The following RANGAP1 variants were observed in gnomAD, a reference collection of about 807,000 sequenced individuals.
RANGAP1 encodes the protein Ran GTPase activating protein 1.
A neutral mutation model predicts 63.5 loss-of-function variants in RANGAP1; 38 were observed. The observed-to-expected ratio is 0.60, with a 90% CI of 0.46 to 0.78. The LOEUF (loss-of-function observed/expected upper bound fraction) is 0.78, where lower values mean the gene tolerates loss of function less well. Ranked by LOEUF, RANGAP1 falls within the 30% of genes least tolerant of loss-of-function variation. The probability of loss-of-function intolerance (pLI) is 0.00; values close to 1 mark genes in which losing one functional copy is unlikely to be tolerated. For missense variants in RANGAP1, 630 were observed against 740.3 expected, an observed-to-expected ratio of 0.85 and a Z score of 1.73; for synonymous variants, 329 against 310.5, an observed-to-expected ratio of 1.06 and a Z score of -0.63.
In RANGAP1 at chr22:41,280,980, T is replaced by A; in HGVS notation, c.65A>T (p.Gln22Leu). The change falls in exon 2 of 16, where the codon CAG (glutamine) becomes CTG (leucine). Residue 22 changes from glutamine to leucine, a missense_variant. Transcript: ENST00000356244. The stretch of plus-strand genomic sequence containing the variant: ...GAGGCTCTTGCCTTTGAAACTCAGC[T>A]GTCCCCCGGCCACCTGAGTCTTGGC... Reference protein sequence around the residue: ...TLAKTQVAGGQLSFKGKSLKL... With the variant: ...TLAKTQVAGGLLSFKGKSLKL... 6.2e-7 allele frequency: 1 copy of A among 1,613,924 alleles called. No individual in the cohort carries two copies. The highest frequency in any genetic ancestry group is 1.7e-5 in the Admixed American group (1 of 59,998).
In RANGAP1 at chr22:41,245,240, G is replaced by T. The variant is rs2032958775; in HGVS notation, c.*1363C>A. On this transcript the variant is annotated 3_prime_UTR_variant, in exon 16 of 16. Coordinates refer to ENST00000356244, the MANE Select transcript of RANGAP1 (RefSeq NM_002883.4). Reference sequence around the variant, plus strand: ...GGACTTCTTGGAGGCCGTTTGTGGGGGACATGGGCTCCCAAAGCACATACA... The same window carrying T: ...GGACTTCTTGGAGGCCGTTTGTGGGTGACATGGGCTCCCAAAGCACATACA... Among the ~76,000 whole-genome samples, 1 of 152,210 alleles carries T rather than the reference G, an allele frequency of 6.6e-6. No homozygotes were observed. The highest frequency in any genetic ancestry group is 1.5e-5 in the Non-Finnish European group (1 of 68,044).
At chr22:41,281,887 C>G (rs1248410242) in intron 1 of RANGAP1, 1 of 153,380 alleles carries the variant, frequency 6.5e-6, no homozygotes, top group East Asian at 1.9e-4. Context: ...CATTGGGAAG[C>G]TGTGATGGGA....
At chr22:41,258,910 C>T (rs1309481247) in intron 6 of RANGAP1, among the ~76,000 whole-genome samples, 1 of 152,210 alleles carries the variant, frequency 6.6e-6, no homozygotes, top group Non-Finnish European at 1.5e-5. Context: ...CTTCCTCGGC[C>T]TCTCAAAGTG....
At chr22:41,251,732 T>A (rs1221971848) in intron 12 of RANGAP1, among the ~76,000 whole-genome samples, 1 of 152,042 alleles carries the variant, frequency 6.6e-6, no homozygotes, top group Non-Finnish European at 1.5e-5. Context: ...GCAGAAACGT[T>A]TACCTCAACC....
At chr22:41,247,860 C>A (rs1224071252) in intron 15 of RANGAP1, among the ~76,000 whole-genome samples, 1 of 152,224 alleles carries the variant, frequency 6.6e-6, no homozygotes, top group African/African-American at 2.4e-5. Context: ...CCGTGCATGT[C>A]ACTACATAGT....
intron 1 of RANGAP1, among the ~76,000 whole-genome samples, chr22:41,283,417 G>A (rs1399771749): frequency 6.6e-6 from 1 of 152,172 alleles, no homozygotes; most frequent in African/African-American, 2.4e-5. Flanking sequence ...GTTGAGGCAG[G>A]AGAATTGCTT....
In RANGAP1 at chr22:41,249,993, C is replaced by T. The variant is rs529145420; in HGVS notation, c.1484-176G>A. Among the ~76,000 whole-genome samples, 318 of 152,348 alleles carry T rather than the reference C, an allele frequency of 2.1e-3. 1 individual carries two copies. The highest frequency in any genetic ancestry group is 4.0e-3 in the Admixed American group (61 of 15,306). On this transcript the variant is annotated intron_variant, in intron 13 of 15. Transcript: ENST00000356244. ...AGGAACCAGAGGGAGTGGCAGTTGG[C>T]ATCAGGGGATGGGCTCAGTCCATCT...
In RANGAP1 at chr22:41,285,643, T is replaced by C. The variant is rs549643746; in HGVS notation, c.-39+343A>G. On this transcript the variant is annotated intron_variant, in intron 1 of 15. Coordinates refer to ENST00000356244, the MANE Select transcript of RANGAP1 (RefSeq NM_002883.4). ...GCGACGCGCGAATACAGGCCGCAAA[T>C]GATAGGCGGGCGGCGCAGGAGCCCC... 6.1e-6 allele frequency: 6 copies of C among 985,160 alleles called. 1 individual carries two copies. Among genetic ancestry groups the C allele is most frequent in the African/African-American group, 3.5e-5 (2 of 57,196 alleles). The allele number at this position is 985,160 out of a possible 1,614,324, so 61.0% of individuals were successfully genotyped here.
At chr22:41,268,793 G>T (rs989280833) in intron 3 of RANGAP1, among the ~76,000 whole-genome samples, 1 of 151,754 alleles carries the variant, frequency 6.6e-6, no homozygotes, top group Non-Finnish European at 1.5e-5. Flanking sequence ...AGTGGCTCAC[G>T]CCTGTAATCC....
chr22:41,252,250 C>G (rs191777419), intron 12 of RANGAP1, among the ~76,000 whole-genome samples: 1 of 151,900 alleles, frequency 6.6e-6, no homozygotes, highest in Non-Finnish European at 1.5e-5. Context: ...TGCAGTGAGC[C>G]GAGATCGTGC....
chr22:41,278,259 G>C lies in RANGAP1; in HGVS notation c.112+2674C>G, dbSNP rs568154390. ...TCTCCATGTTGGCCAGGCTGGTCTG[G>C]AATTCCTGACCTCAGGTGATCTGCC... On this transcript the variant is annotated intron_variant, in intron 2 of 15. Transcript: ENST00000356244. Among the ~76,000 whole-genome samples the C allele has an allele frequency of 3.7e-4, 57 of 152,156 alleles. 1 individual carries two copies. In the East Asian group the frequency reaches 6.2e-3, roughly 17 times the overall value.
chr22:41,291,966 G>A, the RANGAP1 span, among the ~76,000 whole-genome samples: 4 of 151,570 alleles, frequency 2.6e-5, no homozygotes, highest in Non-Finnish European at 5.9e-5. Context: ...CTGTCCCCCA[G>A]GCTGGGGTGC....
chr22:41,293,727 C>T, the RANGAP1 span, among the ~76,000 whole-genome samples: 2 of 136,178 alleles, frequency 1.5e-5, no homozygotes, highest in African/African-American at 2.9e-5. Context: ...TGCAGTAAGC[C>T]GAGATCGCGC....
the RANGAP1 span, among the ~76,000 whole-genome samples, chr22:41,299,674 G>A: frequency 2.0e-5 from 3 of 152,174 alleles, no homozygotes; most frequent in Admixed American, 2.0e-4. Context: ...TGGGGACATA[G>A]AGCACACTGT....
the RANGAP1 span, among the ~76,000 whole-genome samples, chr22:41,297,744 G>A: frequency 4.9e-5 from 7 of 144,148 alleles, no homozygotes; most frequent in African/African-American, 1.8e-4. Context: ...AAGCTGGAGT[G>A]CAGTTGTGTG....
upstream of RANGAP1, among the ~76,000 whole-genome samples, chr22:41,289,937 A>C (rs2035818648): frequency 6.6e-6 from 1 of 152,136 alleles, no homozygotes; most frequent in Non-Finnish European, 1.5e-5. Flanking sequence ...GCTAAAGCCC[A>C]GGATTTGAGA....
upstream of RANGAP1, among the ~76,000 whole-genome samples, chr22:41,289,455 C>G (rs1482686069): frequency 1.3e-5 from 2 of 151,832 alleles, no homozygotes; most frequent in African/African-American, 4.8e-5. Flanking sequence ...AACCCTGTCT[C>G]TACTAAAAAT....
intron 4 of RANGAP1, 110 bp from the exon 5 acceptor site, chr22:41,264,953 A>G: frequency 9.0e-7 from 1 of 1,115,048 alleles, no homozygotes; most frequent in Non-Finnish European, 1.3e-6. Context: ...CGGCTGGTGC[A>G]GAACCAACAC....
In RANGAP1 at chr22:41,256,835, G is replaced by A. The variant is rs1443159251; in HGVS notation, c.775-11C>T. 6.2e-7 allele frequency: 1 copy of A among 1,610,354 alleles called. No individual in the cohort carries two copies. Among genetic ancestry groups the A allele is most frequent in the Non-Finnish European group, 8.5e-7 (1 of 1,176,922 alleles). On this transcript the variant is annotated splice_polypyrimidine_tract_variant and intron_variant, in intron 7 of 15. Coordinates refer to ENST00000356244, the MANE Select transcript of RANGAP1 (RefSeq NM_002883.4). ...CAAGGTCTTCAAGGTCTGTGAGGGG[G>A]AAGCAAGGGTCCAGAGTGAGGGTGC...
Sources: allele counts gnomAD v4.1 joint callset (sites outside exome capture counted in the v4.1 genomes callset), GRCh38; gene constraint gnomAD v4.1.1; transcripts MANE v1.5; gene names NCBI Gene and HGNC (gene_info 2026-07-23, HGNC 2026-07-21).